Variants in DPP10 observed in about 807,000 individuals in gnomAD.
DPP10 encodes dipeptidyl peptidase like 10, also known as inactive dipeptidyl peptidase 10.
Under a neutral mutation model 120.9 loss-of-function variants are expected in DPP10, and 33 were observed. The observed-to-expected ratio is 0.27, with a 90% CI of 0.21 to 0.37. The LOEUF is 0.37. Among genes scored for constraint, DPP10 ranks in the 10% least tolerant of loss-of-function variants. DPP10 has a pLI of 1.00. For missense variants in DPP10, 816 were observed against 942.8 expected (o/e 0.87, Z 1.76); for synonymous variants, 337 against 326.1 (o/e 1.03, Z -0.36).
chr2:115,224,883 C>G (rs1467010227), intron 1 of DPP10, among the ~76,000 whole-genome samples: 17 of 152,098 alleles, frequency 1.1e-4, no homozygotes, highest in Non-Finnish European at 2.4e-4. Context: ...TAAGAACTCT[C>G]AATAGCTTTT....
At chr2:114,837,448 G>A (rs191855107) in intron 1 of DPP10, among the ~76,000 whole-genome samples, 118 of 152,262 alleles carry the variant, frequency 7.7e-4, no homozygotes, top group African/African-American at 2.6e-3. Flanking sequence ...ACAGTTAGCA[G>A]TGTCATGGAG....
intron 5 of DPP10, among the ~76,000 whole-genome samples, chr2:115,556,860 T>C (rs2080249258): frequency 6.6e-6 from 1 of 152,142 alleles, no homozygotes; most frequent in Admixed American, 6.6e-5. Flanking sequence ...TACACCATAG[T>C]AAAGTTCTAG....
intron 3 of DPP10, among the ~76,000 whole-genome samples, chr2:115,489,695 A>G (rs2075996972): frequency 6.6e-6 from 1 of 152,118 alleles, no homozygotes; most frequent in Non-Finnish European, 1.5e-5. Context: ...GAAGGAAACA[A>G]ACATATTTTA....
At chr2:115,258,632 T>G (rs1343756798) in intron 1 of DPP10, among the ~76,000 whole-genome samples, 1 of 152,188 alleles carries the variant, frequency 6.6e-6, no homozygotes, top group African/African-American at 2.4e-5. Context: ...TCAGGTATAA[T>G]GATTCTATTT....
intron 1 of DPP10, among the ~76,000 whole-genome samples, chr2:114,929,429 C>T (rs753051140): frequency 2.0e-4 from 31 of 152,282 alleles, no homozygotes; most frequent in Admixed American, 4.6e-4. Context: ...TGTCTTCAAC[C>T]GCATAAGACA....
intron 1 of DPP10, among the ~76,000 whole-genome samples, chr2:115,295,649 TA>T (rs1243830961): frequency 6.6e-6 from 1 of 152,216 alleles, no homozygotes; most frequent in South Asian, 2.1e-4. Context: ...GCAAAAGCAA[TA>T]AAAATAATTA....
chr2:115,569,057 A>T (rs2081190120), intron 5 of DPP10, among the ~76,000 whole-genome samples: 1 of 152,226 alleles, frequency 6.6e-6, no homozygotes. Context: ...TGTACAAGTA[A>T]TATCTTACAT....
chr2:114,868,290 T>A (rs1690400033), intron 1 of DPP10, among the ~76,000 whole-genome samples: 1 of 152,212 alleles, frequency 6.6e-6, no homozygotes, highest in African/African-American at 2.4e-5. Context: ...CATGTTCTAG[T>A]ACTAACCAAT....
intron 1 of DPP10, among the ~76,000 whole-genome samples, chr2:115,207,693 A>C (rs1210435077): frequency 6.6e-6 from 1 of 152,172 alleles, no homozygotes; most frequent in African/African-American, 2.4e-5. Flanking sequence ...AGAGTATCTT[A>C]TGGTAGGCGT....
intron 1 of DPP10, among the ~76,000 whole-genome samples, chr2:115,243,772 T>G: frequency 8.7e-6 from 1 of 114,760 alleles, no homozygotes; most frequent in African/African-American, 2.8e-5. Context: ...TTTTTTAAAC[T>G]ATTTTTTTTT....
chr2:114,848,648 G>T (rs1409863539), intron 1 of DPP10, among the ~76,000 whole-genome samples: 1 of 152,152 alleles, frequency 6.6e-6, no homozygotes, highest in East Asian at 1.9e-4. Context: ...TGAAGATGAA[G>T]TTACTGTGAT....
chr2:115,030,223 A>G (rs1029914872), intron 1 of DPP10, among the ~76,000 whole-genome samples: 1 of 151,818 alleles, frequency 6.6e-6, no homozygotes, highest in Non-Finnish European at 1.5e-5. Flanking sequence ...CTGATATTCA[A>G]TGTCTTAAGA....
intron 3 of DPP10, among the ~76,000 whole-genome samples, chr2:115,480,988 A>C (rs1200410151): frequency 1.3e-5 from 2 of 152,160 alleles, no homozygotes; most frequent in Non-Finnish European, 2.9e-5. Flanking sequence ...GGCTTGAATT[A>C]AATATGATGC....
chr2:114,594,841 T>A, intron 1 of DPP10, among the ~76,000 whole-genome samples: 1 of 152,048 alleles, frequency 6.6e-6, no homozygotes, highest in East Asian at 1.9e-4. Flanking sequence ...TTTCTCCATT[T>A]GCTCTCTGAC....
At chr2:114,761,724 C>A (rs1180568924) in intron 1 of DPP10, among the ~76,000 whole-genome samples, 1 of 152,198 alleles carries the variant, frequency 6.6e-6, no homozygotes, top group Non-Finnish European at 1.5e-5. Context: ...TCACTGGCTC[C>A]TTACCAGCCA....
At chr2:114,505,197 C>A (rs1207229113) in intron 1 of DPP10, among the ~76,000 whole-genome samples, 1 of 149,892 alleles carries the variant, frequency 6.7e-6, no homozygotes, top group Non-Finnish European at 1.5e-5. Flanking sequence ...AAGAAGTGAC[C>A]AAAACAGATA....
intron 1 of DPP10, among the ~76,000 whole-genome samples, chr2:114,939,147 C>G (rs1696704377): frequency 6.6e-6 from 1 of 151,648 alleles, no homozygotes; most frequent in African/African-American, 2.4e-5. Context: ...ATTATTAAGA[C>G]AGTTATAAGA....
chr2:115,011,236 A>C (rs1466678212), intron 1 of DPP10, among the ~76,000 whole-genome samples: 1 of 152,198 alleles, frequency 6.6e-6, no homozygotes, highest in Non-Finnish European at 1.5e-5. Context: ...TGCCCTTAAA[A>C]ATAGTGTGTA....
chr2:114,642,952 G>T (rs935908828), intron 1 of DPP10, among the ~76,000 whole-genome samples: 2 of 151,860 alleles, frequency 1.3e-5, no homozygotes. Flanking sequence ...AGGTCCATTG[G>T]TCACTGGGAC....
Sources: gnomAD v4.1 joint callset for allele counts (sites outside exome capture counted in the v4.1 genomes callset) on GRCh38, gnomAD v4.1.1 for gene constraint, MANE v1.5 for transcripts, NCBI Gene and HGNC (gene_info 2026-07-23, HGNC 2026-07-21) for gene names.